The following BBS5 variants were observed in gnomAD, a reference collection of about 807,000 sequenced individuals.
The protein encoded by BBS5 is Bardet-Biedl syndrome 5, also known as BBSome complex member BBS5.
A neutral mutation model predicts 50.2 loss-of-function variants in BBS5; 39 were observed. The observed-to-expected ratio is 0.78, with a 90% CI of 0.60 to 1.01. The LOEUF is 1.01. Ranked by LOEUF, BBS5 falls within the 50% of genes least tolerant of loss-of-function variation. BBS5 has a pLI of 0.00. For synonymous variants in BBS5, 134 were observed against 133.1 expected (o/e 1.01, Z -0.05); for missense variants, 356 against 401.5 (o/e 0.89, Z 0.97).
intron 5 of BBS5, among the ~76,000 whole-genome samples, chr2:169,490,186 C>A (rs984230907): frequency 1.7e-5 from 2 of 119,822 alleles, no homozygotes; most frequent in African/African-American, 3.3e-5. Flanking sequence ...ATGAAATGTG[C>A]ATTTTTTTTT....
chr2:169,479,587 G>A lies in BBS5; in HGVS notation c.34G>A (p.Asp12Asn), dbSNP rs746484637. ...GCTGGATGCGCTTTGGGAGGATCGGGATGTCCGTTTCGACCTGTCCGCGCA... is the reference window on the plus strand; with the variant it reads ...GCTGGATGCGCTTTGGGAGGATCGGAATGTCCGTTTCGACCTGTCCGCGCA... Reference protein sequence around the residue: ...SVLDALWEDRDVRFDLSAQQM... With the variant: ...SVLDALWEDRNVRFDLSAQQM... Residue 12 changes from aspartate (D) to asparagine (N), a missense_variant, in exon 1 of 12, where the codon GAT (aspartate) becomes AAT (asparagine). Asp to Asn is a conservative substitution (Grantham distance 23). Transcript: ENST00000295240. 1 of 1,614,188 alleles carries A rather than the reference G, an allele frequency of 6.2e-7. No homozygotes were observed. The highest frequency in any genetic ancestry group is 8.5e-7 in the Non-Finnish European group (1 of 1,180,012).
At chr2:169,480,767 C>T (rs1013249812) in intron 1 of BBS5, among the ~76,000 whole-genome samples, 1 of 148,866 alleles carries the variant, frequency 6.7e-6, no homozygotes, top group African/African-American at 2.5e-5. Context: ...CTGCGACCTC[C>T]GCCTCCCAGG....
At chr2:169,493,943 AGCAG>A in intron 7 of BBS5, 107 bp downstream of exon 7, 1 of 699,422 alleles carries the variant, frequency 1.4e-6, no homozygotes, top group South Asian at 1.8e-5. Flanking sequence ...TTTAAGTGGT[AGCAG>A]TTATTAGCTG....
intron 8 of BBS5, among the ~76,000 whole-genome samples, chr2:169,498,821 A>AAG (rs1161292912): frequency 0.036 from 5,438 of 151,492 alleles, 130 homozygotes; most frequent in East Asian, 0.099. Context: ...AAAAAAAAAA[A>AAG]AAAGAAAGGA....
intron 1 of BBS5, among the ~76,000 whole-genome samples, chr2:169,481,698 C>T (rs1479082463): frequency 6.6e-6 from 1 of 151,626 alleles, no homozygotes; most frequent in Non-Finnish European, 1.5e-5. Flanking sequence ...TCACCTGTAT[C>T]TATTTGTCAA....
Position 169,505,323 on chromosome 2 carries a change from T to C in BBS5, c.*741T>C, listed in dbSNP as rs1414233473. 3 of 368,690 alleles carry C rather than the reference T, an allele frequency of 8.1e-6. No individual in the cohort carries two copies. Among genetic ancestry groups the C allele is most frequent in the Non-Finnish European group, 1.0e-5 (2 of 193,370 alleles). The allele number at this position is 368,690 out of a possible 1,614,324, so 22.8% of individuals were successfully genotyped here. A position where few individuals can be genotyped will look rare whatever the true frequency, so the allele number is the denominator to read the frequency against. On this transcript the variant is annotated 3_prime_UTR_variant, in exon 12 of 12. Coordinates refer to ENST00000295240, the MANE Select transcript of BBS5 (RefSeq NM_152384.3). ...CTCGCTACAACCTCCACCTCCCAGCTGCCTGCCTTGGCCTCCCGAAGTGCC... is the reference window on the plus strand; with the variant it reads ...CTCGCTACAACCTCCACCTCCCAGCCGCCTGCCTTGGCCTCCCGAAGTGCC...
At chr2:169,493,645 TA>T in intron 6 of BBS5, 95 bp from the exon 7 acceptor site, 1 of 852,504 alleles carries the variant, frequency 1.2e-6, no homozygotes. Flanking sequence ...ATTTTGGTAT[TA>T]TTTGCTGCTG....
chr2:169,498,851 A>C (rs532480257), intron 8 of BBS5, among the ~76,000 whole-genome samples: 3 of 152,128 alleles, frequency 2.0e-5, no homozygotes, highest in African/African-American at 7.2e-5. Context: ...AAAGTTTCTA[A>C]GTATCCTACA....
At chr2:169,487,475 T>C (rs1398922013) in intron 3 of BBS5, among the ~76,000 whole-genome samples, 1 of 152,094 alleles carries the variant, frequency 6.6e-6, no homozygotes, top group Non-Finnish European at 1.5e-5. Context: ...TTCACTTATT[T>C]TTTTAAAGTA....
intron 5 of BBS5, among the ~76,000 whole-genome samples, chr2:169,489,948 A>G (rs1339153717): frequency 7.8e-6 from 1 of 128,310 alleles, no homozygotes; most frequent in African/African-American, 3.1e-5. Context: ...ATCTCAGCTC[A>G]CTGCAAGCTC....
At chr2:169,484,351 C>T (rs1012423645) in intron 2 of BBS5, among the ~76,000 whole-genome samples, 1 of 152,150 alleles carries the variant, frequency 6.6e-6, no homozygotes, top group Non-Finnish European at 1.5e-5. Context: ...CCACTGCACT[C>T]CAGCCTGGGT....
intron 1 of BBS5, among the ~76,000 whole-genome samples, chr2:169,481,909 A>G (rs1053510774): frequency 3.9e-5 from 6 of 152,072 alleles, no homozygotes; most frequent in Non-Finnish European, 8.8e-5. Flanking sequence ...CTACCTCCCA[A>G]TATGGTCCTT....
intron 9 of BBS5, among the ~76,000 whole-genome samples, chr2:169,500,668 C>T (rs1437583267): frequency 5.3e-5 from 8 of 152,178 alleles, no homozygotes; most frequent in African/African-American, 1.9e-4. Flanking sequence ...TTTAGTGAGG[C>T]CCTTGTTGCC....
Position 169,498,755 on chromosome 2 carries a change from C to A in BBS5, c.682-731C>A, listed in dbSNP as rs1278100277. 2.7e-5 allele frequency among the ~76,000 whole-genome samples: 4 copies of A among 147,622 alleles called. No individual in the cohort carries two copies. The East Asian group carries it at 8.0e-4, about 30-fold the overall frequency. On this transcript the variant is annotated intron_variant, in intron 8 of 11. Coordinates refer to ENST00000295240, the MANE Select transcript of BBS5 (RefSeq NM_152384.3). ...CCGGGAGGCGGAGCTTGCAGTGAGCCGAGATCGCGCCGCTGCACTCCAGCC... is the reference window on the plus strand; with the variant it reads ...CCGGGAGGCGGAGCTTGCAGTGAGCAGAGATCGCGCCGCTGCACTCCAGCC...
chr2:169,500,905 A>G (rs1683789939), intron 9 of BBS5, among the ~76,000 whole-genome samples: 1 of 152,058 alleles, frequency 6.6e-6, no homozygotes. Flanking sequence ...CTGCTCGTTC[A>G]GCTTCTTCAA....
intron 8 of BBS5, among the ~76,000 whole-genome samples, chr2:169,498,725 CG>C (rs774058704): frequency 1.3e-5 from 2 of 150,220 alleles, no homozygotes; most frequent in Non-Finnish European, 3.0e-5. Context: ...GAGAATGGCG[CG>C]AACCCGGGAG....
In BBS5 at chr2:169,504,679, G is replaced by T. The variant is rs1023343629; in HGVS notation, c.*97G>T. 1.0e-5 allele frequency: 12 copies of T among 1,179,098 alleles called. No individual in the cohort carries two copies. The highest frequency in any genetic ancestry group is 1.4e-5 in the Non-Finnish European group (11 of 804,444). The allele number at this position is 1,179,098 out of a possible 1,614,324, so 73.0% of individuals were successfully genotyped here. A position where few individuals can be genotyped will look rare whatever the true frequency, so the allele number is the denominator to read the frequency against. ...TCATGGAATAGTTTTTATATTTACA[G>T]CTTTTATATTTAAAACTTGTAAGAG... On this transcript the variant is annotated 3_prime_UTR_variant, in exon 12 of 12. Transcript: ENST00000295240.
chr2:169,489,936 C>G (rs1279650803), intron 5 of BBS5, among the ~76,000 whole-genome samples: 1 of 134,202 alleles, frequency 7.5e-6, no homozygotes, highest in Non-Finnish European at 1.5e-5. Context: ...GGTGCAGCTG[C>G]TATCTCAGCT....
chr2:169,479,575 T>G lies in BBS5; in HGVS notation c.22T>G (p.Trp8Gly), dbSNP rs757580141. The G allele has an allele frequency of 6.2e-7, 1 of 1,614,154 alleles. No individual in the cohort carries two copies. Among genetic ancestry groups the G allele is most frequent in the Non-Finnish European group, 8.5e-7 (1 of 1,179,996 alleles). The change falls in exon 1 of 12, where the codon TGG becomes GGG. Residue 8 changes from tryptophan to glycine, a missense_variant. Transcript: ENST00000295240. ...CACCATGTCGGTGCTGGATGCGCTT[T>G]GGGAGGATCGGGATGTCCGTTTCGA... MSVLDALWEDRDVRFDLS... is the reference protein window; with the variant it reads MSVLDALGEDRDVRFDLS...
Sources: gnomAD v4.1 joint callset for allele counts (sites outside exome capture counted in the v4.1 genomes callset) on GRCh38, gnomAD v4.1.1 for gene constraint, MANE v1.5 for transcripts, NCBI Gene and HGNC (gene_info 2026-07-23, HGNC 2026-07-21) for gene names.